The following CATSPERB variants were observed in gnomAD, a reference collection of about 807,000 sequenced individuals.
CATSPERB encodes the protein cation channel sperm-associated auxiliary subunit beta.
A neutral mutation model predicts 128.3 loss-of-function variants in CATSPERB; 93 were observed. The observed-to-expected ratio is 0.72, with a 90% confidence interval of 0.61 to 0.86. The LOEUF (loss-of-function observed/expected upper bound fraction) is 0.86, where lower values mean the gene tolerates loss of function less well. Among genes scored for constraint, CATSPERB ranks in the 40% least tolerant of loss-of-function variants. The probability of loss-of-function intolerance (pLI) is 0.00; values close to 1 mark genes in which losing one functional copy is unlikely to be tolerated. For missense variants in CATSPERB, 1,153 were observed against 1,329.5 expected, an observed-to-expected ratio of 0.87 and a Z score of 2.06; for synonymous variants, 381 against 448.8, an observed-to-expected ratio of 0.85 and a Z score of 1.91.
At chr14:91,712,713 A>T (rs1895860983) in intron 5 of CATSPERB, among the ~76,000 whole-genome samples, 1 of 152,150 alleles carries the variant, frequency 6.6e-6, no homozygotes, top group South Asian at 2.1e-4. Flanking sequence ...GAATCAGGGG[A>T]GCCTACTCCA....
intron 10 of CATSPERB, 21 bp downstream of exon 10, chr14:91,691,502 G>A: frequency 6.3e-7 from 1 of 1,580,116 alleles, no homozygotes; most frequent in Non-Finnish European, 8.6e-7. Context: ...AACCAGCCCT[G>A]GGAAATATAA....
At chr14:91,608,517 G>T in intron 21 of CATSPERB, 113 bp from the exon 22 acceptor site, 2 of 643,444 alleles carry the variant, frequency 3.1e-6, no homozygotes, top group African/African-American at 1.9e-5. Flanking sequence ...TTTAGCTACA[G>T]GTATTAAAGT....
intron 17 of CATSPERB, among the ~76,000 whole-genome samples, chr14:91,626,712 C>G (rs1301370519): frequency 6.6e-6 from 1 of 152,112 alleles, no homozygotes. Flanking sequence ...GCCCCCCAGT[C>G]TTGGATTTCC....
chr14:91,653,502 A>G (rs1031907794), intron 15 of CATSPERB, among the ~76,000 whole-genome samples: 2 of 152,198 alleles, frequency 1.3e-5, no homozygotes, highest in Non-Finnish European at 2.9e-5. Flanking sequence ...CAAAAGAAAG[A>G]CATTTAATTA....
intron 23 of CATSPERB, among the ~76,000 whole-genome samples, chr14:91,591,657 T>C (rs372249015): frequency 1.6e-3 from 246 of 152,130 alleles, no homozygotes; most frequent in African/African-American, 5.8e-3. Context: ...TTTATACAAA[T>C]GCTGTGGAAT....
chr14:91,607,845 T>TCTCC (rs1186069485), intron 22 of CATSPERB, among the ~76,000 whole-genome samples: 1 of 151,896 alleles, frequency 6.6e-6, no homozygotes, highest in Non-Finnish European at 1.5e-5. Flanking sequence ...TCCTCCCTTG[T>TCTCC]CTCCCTCCCT....
At chr14:91,631,038 C>T (rs929415029) in intron 17 of CATSPERB, among the ~76,000 whole-genome samples, 4 of 152,198 alleles carry the variant, frequency 2.6e-5, no homozygotes, top group African/African-American at 9.6e-5. Context: ...GCTCTTTGCT[C>T]TTCATTCTTG....
chr14:91,631,154 G>C (rs546664981), intron 17 of CATSPERB, among the ~76,000 whole-genome samples: 1 of 152,280 alleles, frequency 6.6e-6, no homozygotes, highest in Admixed American at 6.5e-5. Flanking sequence ...ACCTGTATCT[G>C]TTTATTAGAA....
In CATSPERB at chr14:91,672,869, T is replaced by TGG. The variant is rs1895122682; in HGVS notation, c.1125_1126insCC (p.Lys376ProfsTer11). On this transcript the variant is annotated frameshift_variant, in exon 13 of 27. Transcript: ENST00000256343. LOFTEE classifies it high-confidence loss of function. ...TCCCTCTGGGATATAAGGCCTACCT[T>TGG]GTTATAGAAGAGGTAAACTCCAGTA... The TGG allele has an allele frequency of 6.4e-7, 1 of 1,559,082 alleles. No individual in the cohort carries two copies. The highest frequency in any genetic ancestry group is 8.6e-7 in the Non-Finnish European group (1 of 1,164,942).
At chr14:91,664,191 AT>A (rs1181396117) in intron 14 of CATSPERB, among the ~76,000 whole-genome samples, 2 of 151,714 alleles carry the variant, frequency 1.3e-5, no homozygotes, top group East Asian at 3.9e-4. Context: ...TATTGGAATC[AT>A]AAAGTTTGTA....
rs763663848 is a variant in CATSPERB, at chr14:91,673,020, TA to T, written c.979-5del. On this transcript the variant is annotated splice_polypyrimidine_tract_variant and splice_region_variant and intron_variant, in intron 12 of 26. Coordinates refer to ENST00000256343, the MANE Select transcript of CATSPERB (RefSeq NM_024764.4). ...GACTATAAAAACAAGAGCTTGACTATAAAAAAAAGAAGGGAAAAATTAATGC... is the reference window on the plus strand; with the variant it reads ...GACTATAAAAACAAGAGCTTGACTATAAAAAAAGAAGGGAAAAATTAATGC... The T allele has an allele frequency of 2.3e-5, 36 of 1,566,588 alleles. No homozygotes were observed. Among genetic ancestry groups the T allele is most frequent in the Admixed American group, 9.0e-5 (4 of 44,378 alleles).
intron 22 of CATSPERB, chr14:91,604,347 G>A: frequency 1.2e-6 from 1 of 803,236 alleles, no homozygotes; most frequent in Admixed American, 1.7e-5. Context: ...GAGGGGAGAG[G>A]AAGGATTCAG....
intron 18 of CATSPERB, among the ~76,000 whole-genome samples, chr14:91,624,577 G>C (rs944008564): frequency 6.6e-6 from 1 of 151,700 alleles, no homozygotes; most frequent in Non-Finnish European, 1.5e-5. Flanking sequence ...GGAGGCAGAG[G>C]TTGCGGTGAG....
At chr14:91,650,916 A>G (rs892449710) in intron 15 of CATSPERB, among the ~76,000 whole-genome samples, 10 of 152,002 alleles carry the variant, frequency 6.6e-5, no homozygotes, top group Non-Finnish European at 1.2e-4. Flanking sequence ...TATATTTATA[A>G]TTTTTAATAT....
intron 14 of CATSPERB, among the ~76,000 whole-genome samples, chr14:91,668,162 T>TTTA (rs1895020971): frequency 6.6e-6 from 1 of 152,084 alleles, no homozygotes; most frequent in Non-Finnish European, 1.5e-5. Flanking sequence ...GGGTGTCCTG[T>TTTA]TTAGAGGGGA....
intron 10 of CATSPERB, among the ~76,000 whole-genome samples, chr14:91,688,697 CATTCT>C (rs1394321750): frequency 6.6e-6 from 1 of 151,944 alleles, no homozygotes; most frequent in Non-Finnish European, 1.5e-5. Flanking sequence ...AAACAGTGGC[CATTCT>C]ATCTTTCAAT....
intron 14 of CATSPERB, among the ~76,000 whole-genome samples, chr14:91,665,111 G>A (rs765151214): frequency 1.1e-4 from 17 of 151,990 alleles, no homozygotes; most frequent in Non-Finnish European, 2.4e-4. Context: ...CAAGCTCGTC[G>A]CGAACTCCTG....
In CATSPERB at chr14:91,691,906, C is replaced by T. The variant is rs150136991; in HGVS notation, c.832-351G>A. ...AAGAAGTGTGCAGGTGGGCCTGGCA[C>T]GGTGGCTCACACCTGTAATCCTAGC... On this transcript the variant is annotated intron_variant, in intron 9 of 26. Transcript: ENST00000256343. 4.0e-3 allele frequency among the ~76,000 whole-genome samples: 612 copies of T among 152,228 alleles called. 18 individuals are homozygous for T. The East Asian group carries it at 0.072, about 18-fold the overall frequency.
chr14:91,683,938 G>A lies in CATSPERB; in HGVS notation c.870C>T (p.Asp290=). 1.3e-6 allele frequency: 2 copies of A among 1,587,230 alleles called. No homozygotes were observed. Among genetic ancestry groups the A allele is most frequent in the Non-Finnish European group, 1.7e-6 (2 of 1,160,934 alleles). ...RADFCGFERV[D]YVKGKLWYNE... ...TATACCACAGTTTTCCTTTCACATA[G>A]TCAACCTACATAAATAAATAAAATA... is the stretch of plus-strand genomic sequence containing the variant. Residue 290 remains aspartate (D), a synonymous_variant, in exon 11 of 27, where the codon GAC becomes GAT. Coordinates refer to ENST00000256343, the MANE Select transcript of CATSPERB (RefSeq NM_024764.4).
Sources: gnomAD v4.1 joint callset for allele counts (sites outside exome capture counted in the v4.1 genomes callset) on GRCh38, gnomAD v4.1.1 for gene constraint, MANE v1.5 for transcripts, NCBI Gene and HGNC (gene_info 2026-07-23, HGNC 2026-07-21) for gene names.